The following SPOCK1 variants were observed in gnomAD, a reference collection of about 807,000 sequenced individuals.
The protein encoded by SPOCK1 is testican-1.
Under a neutral mutation model 55.3 loss-of-function variants are expected in SPOCK1, and 23 were observed. The observed-to-expected ratio is 0.42, with a 90% confidence interval of 0.30 to 0.59. SPOCK1 has a LOEUF of 0.59. Among genes scored for constraint, SPOCK1 ranks in the 20% least tolerant of loss-of-function variants. The probability of loss-of-function intolerance (pLI) is 0.22; values close to 1 mark genes in which losing one functional copy is unlikely to be tolerated. For synonymous variants in SPOCK1, 226 were observed against 221.0 expected (o/e 1.02, Z -0.20); for missense variants, 499 against 552.5 (o/e 0.90, Z 0.97).
At chr5:137,162,744 T>C (rs1001567302) in intron 3 of SPOCK1, among the ~76,000 whole-genome samples, 10 of 152,322 alleles carry the variant, frequency 6.6e-5, no homozygotes, top group South Asian at 6.2e-4. Flanking sequence ...GGAGAAGCTA[T>C]TGTTTAAAAA....
intron 6 of SPOCK1, among the ~76,000 whole-genome samples, chr5:137,030,931 C>T (rs1341636722): frequency 2.0e-5 from 3 of 152,124 alleles, no homozygotes; most frequent in African/African-American, 7.2e-5. Context: ...TGTGATATAT[C>T]TTAAAGTCAG....
intron 6 of SPOCK1, among the ~76,000 whole-genome samples, chr5:137,033,741 C>T (rs755076712): frequency 6.6e-6 from 1 of 152,154 alleles, no homozygotes; most frequent in Non-Finnish European, 1.5e-5. Context: ...TTCTTCAGGG[C>T]TTCTCTATGT....
chr5:137,060,897 G>A (rs1396717231), intron 6 of SPOCK1, among the ~76,000 whole-genome samples: 1 of 152,344 alleles, frequency 6.6e-6, no homozygotes, highest in Non-Finnish European at 1.5e-5. Flanking sequence ...TGAGATCAAA[G>A]TCAAAGTCAG....
chr5:137,230,502 C>G (rs1284691382), intron 3 of SPOCK1, among the ~76,000 whole-genome samples: 1 of 152,140 alleles, frequency 6.6e-6, no homozygotes, highest in South Asian at 2.1e-4. Flanking sequence ...TTTACTACTT[C>G]TGTAAGAAGA....
chr5:136,995,476 G>T (rs1294117373), intron 6 of SPOCK1, among the ~76,000 whole-genome samples: 17 of 152,288 alleles, frequency 1.1e-4, no homozygotes, highest in Non-Finnish European at 2.4e-4. Context: ...TTCTGACACT[G>T]CCCTGCTCTA....
At position 137,014,127 on chromosome 5, in the gene SPOCK1, G is replaced by T. The variant is rs75043431; in HGVS notation, c.590-21527C>A. On this transcript the variant is annotated intron_variant, in intron 6 of 10. Coordinates refer to ENST00000394945, the MANE Select transcript of SPOCK1 (RefSeq NM_004598.4). Reference sequence around the variant, plus strand: ...TGATATTGACTTCTTGCAAGATCTGGTCATTTAAAAGTGTGTGGCACCTCT... The same window carrying T: ...TGATATTGACTTCTTGCAAGATCTGTTCATTTAAAAGTGTGTGGCACCTCT... Among the ~76,000 whole-genome samples the T allele has an allele frequency of 4.3e-3, 661 of 152,166 alleles. 5 individuals are homozygous for T. Among genetic ancestry groups the T allele is most frequent in the African/African-American group, 0.015 (624 of 41,502 alleles).
At chr5:137,330,129 A>G (rs1350459708) in intron 2 of SPOCK1, among the ~76,000 whole-genome samples, 1 of 152,216 alleles carries the variant, frequency 6.6e-6, no homozygotes, top group African/African-American at 2.4e-5. Context: ...ACAGGAGCTA[A>G]GGGATGACCT....
At chr5:137,437,653 T>A (rs1752893068) in intron 2 of SPOCK1, among the ~76,000 whole-genome samples, 1 of 152,234 alleles carries the variant, frequency 6.6e-6, no homozygotes. Flanking sequence ...TGTGATAATT[T>A]AACACATTCA....
chr5:137,303,568 G>A (rs555411403), intron 2 of SPOCK1, among the ~76,000 whole-genome samples: 4 of 152,342 alleles, frequency 2.6e-5, no homozygotes, highest in East Asian at 3.9e-4. Flanking sequence ...ATGGTCAACC[G>A]ATGACAGAGG....
chr5:137,267,251 G>A (rs559595773), intron 2 of SPOCK1, among the ~76,000 whole-genome samples, 196 bp from the exon 3 acceptor site: 23 of 152,198 alleles, frequency 1.5e-4, no homozygotes, highest in African/African-American at 3.6e-4. Flanking sequence ...CTTTCAAACC[G>A]TATGTATTCA....
intron 9 of SPOCK1, among the ~76,000 whole-genome samples, chr5:136,982,415 C>T (rs1215048113): frequency 6.6e-6 from 1 of 152,078 alleles, no homozygotes; most frequent in Non-Finnish European, 1.5e-5. Flanking sequence ...ATTGTGATTA[C>T]AGATATTGTG....
intron 3 of SPOCK1, among the ~76,000 whole-genome samples, chr5:137,157,542 C>T (rs777659751): frequency 1.3e-5 from 2 of 152,184 alleles, no homozygotes; most frequent in African/African-American, 4.8e-5. Context: ...GGGACCTCTT[C>T]CTCCCAGTGC....
At chr5:137,242,098 T>C (rs116743272) in intron 3 of SPOCK1, among the ~76,000 whole-genome samples, 1,925 of 152,338 alleles carry the variant, frequency 0.013, 19 homozygotes, top group Middle Eastern at 0.048. Context: ...GCCAGCATGG[T>C]GGCTCCCACC....
intron 9 of SPOCK1, 50 bp from the exon 10 acceptor site, chr5:136,979,519 C>A: frequency 1.9e-6 from 3 of 1,596,876 alleles, no homozygotes; most frequent in South Asian, 1.1e-5. Context: ...AGATGATACT[C>A]GGGGTTAATG....
chr5:137,491,708 G>A (rs1754183197), intron 2 of SPOCK1, among the ~76,000 whole-genome samples: 1 of 152,190 alleles, frequency 6.6e-6, no homozygotes, highest in African/African-American at 2.4e-5. Flanking sequence ...ATAAACACAT[G>A]TGCCTAGTAT....
chr5:137,335,266 TA>T (rs377016703), intron 2 of SPOCK1, among the ~76,000 whole-genome samples: 1 of 152,202 alleles, frequency 6.6e-6, no homozygotes, highest in Non-Finnish European at 1.5e-5. Context: ...AAATACAGGT[TA>T]AAAAACACAG....
At chr5:137,160,601 A>ATATATAATATATAATATATATTT (rs1438831386) in intron 3 of SPOCK1, among the ~76,000 whole-genome samples, 8 of 73,902 alleles carry the variant, frequency 1.1e-4, no homozygotes, top group Admixed American at 2.3e-4. Context: ...ATAATATATT[A>ATATATAATATATAATATATATTT]TATATAATAT....
chr5:137,235,959 G>A (rs1051492175), intron 3 of SPOCK1, among the ~76,000 whole-genome samples: 1 of 152,202 alleles, frequency 6.6e-6, no homozygotes, highest in Non-Finnish European at 1.5e-5. Flanking sequence ...CTAACATTTT[G>A]CAAGTCCAGC....
chr5:137,355,800 A>T (rs1750778962), intron 2 of SPOCK1, among the ~76,000 whole-genome samples: 1 of 151,992 alleles, frequency 6.6e-6, no homozygotes, highest in Non-Finnish European at 1.5e-5. Flanking sequence ...CTCAGATCAT[A>T]GCCCAGCCCC....
Sources: gnomAD v4.1 joint callset for allele counts (sites outside exome capture counted in the v4.1 genomes callset) on GRCh38, gnomAD v4.1.1 for gene constraint, MANE v1.5 for transcripts, NCBI Gene and HGNC (gene_info 2026-07-23, HGNC 2026-07-21) for gene names.